The following LTBP1 variants were observed in gnomAD, a reference collection of about 807,000 sequenced individuals.
LTBP1 encodes the protein latent transforming growth factor beta binding protein 1, also known as latent-transforming growth factor beta-binding protein 1.
Under a neutral mutation model 207.6 loss-of-function variants are expected in LTBP1, and 129 were observed. The ratio of observed to expected loss-of-function variants is 0.62; its 90% CI spans 0.54 to 0.72. The LOEUF is 0.72. Ranked by LOEUF, LTBP1 falls within the 30% of genes least tolerant of loss-of-function variation. The pLI is 0.00. For missense variants in LTBP1, 2,281 were observed against 2,217.2 expected, an observed-to-expected ratio of 1.03 and a Z score of -0.58; for synonymous variants, 963 against 833.7, an observed-to-expected ratio of 1.16 and a Z score of -2.67.
chr2:33,089,083 G>C (rs999154822), intron 3 of LTBP1, among the ~76,000 whole-genome samples: 35 of 150,686 alleles, frequency 2.3e-4, no homozygotes, highest in African/African-American at 8.6e-4. Flanking sequence ...TTGAACCCGG[G>C]AGGTAAAGGT....
chr2:33,057,823 C>T (rs113652796), intron 3 of LTBP1, among the ~76,000 whole-genome samples: 77 of 152,374 alleles, frequency 5.1e-4, no homozygotes, highest in African/African-American at 1.5e-3. Context: ...CACACCTCCC[C>T]GCAAGCCGAG....
Position 33,219,301 on chromosome 2 carries a change from A to G in LTBP1, c.1804+1647A>G, listed in dbSNP as rs1001837826. Among the ~76,000 whole-genome samples, 8 of 152,158 alleles carry G rather than the reference A, an allele frequency of 5.3e-5. No homozygotes were observed. The South Asian group carries it at 1.2e-3, about 24-fold the overall frequency. On this transcript the variant is annotated intron_variant, in intron 8 of 33. Coordinates refer to ENST00000404816, the MANE Select transcript of LTBP1 (RefSeq NM_206943.4). ...TGATTCGATGATCATTTGCAATGCA[A>G]ATTTCCAGGAAGTAGGTTGAGTGTG...
chr2:32,963,145 CCA>C (rs1679401081), intron 2 of LTBP1, among the ~76,000 whole-genome samples: 1 of 152,186 alleles, frequency 6.6e-6, no homozygotes. Context: ...ATCATTTTCC[CCA>C]GTTTCAGATG....
intron 5 of LTBP1, among the ~76,000 whole-genome samples, chr2:33,157,997 G>A (rs1375876145): frequency 3.3e-5 from 5 of 152,154 alleles, no homozygotes; most frequent in African/African-American, 7.2e-5. Context: ...TTAGCCAGCC[G>A]TGGTGGCATG....
rs112460560 is a variant in LTBP1 at position 32,947,522 on chromosome 2, G to A, written c.198G>A (p.Ser66=). ...VALNARYSRS[S]AAAGAPSRAS... ...TCAACGCCAGGTACAGCCGCAGCTCGGCGGCTGCCGGCGCCCCCAGCCGTG... is the reference window on the plus strand; with the variant it reads ...TCAACGCCAGGTACAGCCGCAGCTCAGCGGCTGCCGGCGCCCCCAGCCGTG... Residue 66 remains serine (S), a synonymous_variant, in exon 1 of 34, where the codon TCG becomes TCA. Transcript: ENST00000404816. 4 of 1,400,634 alleles carry A rather than the reference G, an allele frequency of 2.9e-6. No individual in the cohort carries two copies. The highest frequency in any genetic ancestry group is 2.6e-4 in the Middle Eastern group (1 of 3,878). 86.8% of individuals were successfully genotyped at this position (1,400,634 alleles called of 1,614,324 possible). A position where few individuals can be genotyped will look rare whatever the true frequency, so the allele number is the denominator to read the frequency against.
intron 5 of LTBP1, among the ~76,000 whole-genome samples, chr2:33,175,844 T>C (rs976706611): frequency 1.3e-5 from 2 of 148,980 alleles, no homozygotes; most frequent in African/African-American, 5.0e-5. Context: ...GATGAGTTCA[T>C]GTCCTTTGTA....
intron 24 of LTBP1, among the ~76,000 whole-genome samples, chr2:33,335,332 G>A (rs1344291645): frequency 1.4e-5 from 2 of 146,146 alleles, no homozygotes; most frequent in Admixed American, 6.7e-5. Context: ...CAAGGTCCCC[G>A]TGTTTTTTTC....
intron 1 of LTBP1, among the ~76,000 whole-genome samples, chr2:32,948,084 T>C (rs1194788573): frequency 6.7e-6 from 1 of 150,334 alleles, no homozygotes; most frequent in African/African-American, 2.4e-5. Context: ...GCCTGGGGCG[T>C]AACCTTCTGC....
chr2:33,358,643 A>T (rs1300769180), intron 26 of LTBP1, among the ~76,000 whole-genome samples: 1 of 152,154 alleles, frequency 6.6e-6, no homozygotes, highest in Non-Finnish European at 1.5e-5. Flanking sequence ...AAACCATAGA[A>T]TAAACCCGAT....
At chr2:33,281,279 G>A (rs2148573811) in intron 19 of LTBP1, among the ~76,000 whole-genome samples, 1 of 152,254 alleles carries the variant, frequency 6.6e-6, no homozygotes, top group East Asian at 1.9e-4. Flanking sequence ...ATGATGCTGT[G>A]AGAGCATATG....
chr2:33,086,206 G>A (rs1242008229), intron 3 of LTBP1, among the ~76,000 whole-genome samples: 3 of 152,242 alleles, frequency 2.0e-5, no homozygotes, highest in Non-Finnish European at 2.9e-5. Flanking sequence ...GTACAGATCA[G>A]CTCCTGAGTG....
intron 3 of LTBP1, among the ~76,000 whole-genome samples, chr2:33,077,906 G>A (rs1440176913): frequency 6.6e-6 from 1 of 152,114 alleles, no homozygotes; most frequent in Non-Finnish European, 1.5e-5. Context: ...ACAAAAGGTC[G>A]GCAGCTTGGG....
chr2:32,947,621 ACCGCCGCCG>A lies in LTBP1; in HGVS notation c.310_318del (p.Pro104_Pro106del), dbSNP rs538338631. ...GCGGCGCGGCCCTGCAGGGGCTCAG[ACCGCCGCCG>A]CCGCCGCCGCCGGAGCCTGCGCGTC... On this transcript the variant is annotated inframe_deletion, in exon 1 of 34. Transcript: ENST00000404816. The A allele has an allele frequency of 4.0e-5, 53 of 1,327,034 alleles. 1 individual carries two copies. The Middle Eastern group carries it at 1.1e-3, about 27-fold the overall frequency. 82.2% of individuals were successfully genotyped at this position (1,327,034 alleles called of 1,614,324 possible).
At chr2:33,084,964 G>T (rs2078664943) in intron 3 of LTBP1, among the ~76,000 whole-genome samples, 1 of 152,242 alleles carries the variant, frequency 6.6e-6, no homozygotes, top group Non-Finnish European at 1.5e-5. Context: ...ACCTGTGAAT[G>T]AGATCTTATT....
chr2:33,317,730 C>T (rs1023493508), intron 24 of LTBP1: 7 of 152,174 alleles, frequency 4.6e-5, no homozygotes, highest in Admixed American at 3.3e-4. Context: ...CTCGTTGACA[C>T]CAGGGCTGAC....
rs1235591466 is a variant in LTBP1, at chr2:33,275,805, T to C, written c.2874T>C (p.Val958=). 1 of 1,613,934 alleles carries C rather than the reference T, an allele frequency of 6.2e-7. No homozygotes were observed. The highest frequency in any genetic ancestry group is 1.3e-5 in the African/African-American group (1 of 74,952). ...AATGCTATCTGCTCTTCGTAGATGT[T>C]GACGAATGCCTGAGGCCGGACGTCT... is the stretch of plus-strand genomic sequence containing the variant. ...ASEEGTNCID[V]DECLRPDVCG... Residue 958 remains valine, a synonymous_variant, in exon 18 of 34, where the codon GTT becomes GTC. Transcript: ENST00000404816.
chr2:33,373,428 C>G (rs1303979843), intron 31 of LTBP1, among the ~76,000 whole-genome samples: 1 of 152,080 alleles, frequency 6.6e-6, no homozygotes, highest in East Asian at 1.9e-4. Context: ...TGTTTAATGC[C>G]TATTGAATAA....
chr2:33,257,987 C>T (rs149931713), intron 12 of LTBP1, among the ~76,000 whole-genome samples: 1 of 152,272 alleles, frequency 6.6e-6, no homozygotes, highest in East Asian at 1.9e-4. Context: ...TGGTGATCAC[C>T]TAGTGTGGTT....
At chr2:33,035,845 A>G (rs550690047) in intron 3 of LTBP1, among the ~76,000 whole-genome samples, 1 of 152,336 alleles carries the variant, frequency 6.6e-6, no homozygotes, top group East Asian at 1.9e-4. Flanking sequence ...TAGTAATAAA[A>G]AAACCCAAAC....
Sources: allele counts gnomAD v4.1 joint callset (sites outside exome capture counted in the v4.1 genomes callset), GRCh38; gene constraint gnomAD v4.1.1; transcripts MANE v1.5; gene names NCBI Gene and HGNC (gene_info 2026-07-23, HGNC 2026-07-21).